Variants in LRRN1 observed in about 807,000 individuals in gnomAD.
LRRN1 encodes leucine-rich repeat neuronal protein 1.
A neutral mutation model predicts 45.8 loss-of-function variants in LRRN1; 14 were observed. That is an observed-to-expected ratio of 0.31 (90% CI 0.20 to 0.48). The LOEUF (loss-of-function observed/expected upper bound fraction) is 0.48. LRRN1 is among the 20% of genes least tolerant of loss of function. The pLI is 0.99. For synonymous variants in LRRN1, 359 were observed against 330.1 expected (o/e 1.09, Z -0.95); for missense variants, 789 against 874.2 (o/e 0.90, Z 1.23).
intron 1 of LRRN1, among the ~76,000 whole-genome samples, chr3:3,809,866 G>C (rs765056617): frequency 2.6e-5 from 4 of 152,188 alleles, no homozygotes; most frequent in African/African-American, 9.6e-5. Flanking sequence ...ATGAGTAGAA[G>C]TGGTATTTGT....
At chr3:3,806,599 A>T (rs1692764060) in intron 1 of LRRN1, among the ~76,000 whole-genome samples, 1 of 152,200 alleles carries the variant, frequency 6.6e-6, no homozygotes, top group African/African-American at 2.4e-5. Context: ...GGCTGGAAAC[A>T]GAGAGAAAGT....
intron 1 of LRRN1, among the ~76,000 whole-genome samples, chr3:3,809,046 T>C (rs1032031002): frequency 1.3e-5 from 2 of 152,244 alleles, no homozygotes; most frequent in Admixed American, 6.5e-5. Context: ...CATCTTTTGT[T>C]ACACAGGGAA....
chr3:3,805,952 A>G (rs193098001), intron 1 of LRRN1, among the ~76,000 whole-genome samples: 5 of 152,298 alleles, frequency 3.3e-5, no homozygotes, highest in African/African-American at 1.2e-4. Flanking sequence ...CAACCTATGC[A>G]TTCTCCTACA....
chr3:3,829,883 C>T (rs1382148589), intron 1 of LRRN1, among the ~76,000 whole-genome samples: 1 of 152,200 alleles, frequency 6.6e-6, no homozygotes, highest in African/African-American at 2.4e-5. Flanking sequence ...CTGCCCTTTT[C>T]ATGATGGAAG....
At position 3,846,732 on chromosome 3, in the gene LRRN1, T is replaced by C. The variant is rs368439353; in HGVS notation, c.2091T>C (p.Asp697=). Residue 697 remains aspartate, a synonymous_variant, in exon 2 of 2, where the codon GAT becomes GAC. Coordinates refer to ENST00000319331, the MANE Select transcript of LRRN1 (RefSeq NM_020873.7). This position sits in a 1 kb window ranked among gnomAD's most constrained non-coding sequence, Gnocchi z 5.7. Reference sequence around the variant, plus strand: ...AAGGTGACAGCGAGAAAGACAAAGATGGTTCTGCAGACACCAAGCCAACCC... The same window carrying C: ...AAGGTGACAGCGAGAAAGACAAAGACGGTTCTGCAGACACCAAGCCAACCC... ...LWEGDSEKDK[D]GSADTKPTQV... The C allele has an allele frequency of 8.1e-6, 13 of 1,613,888 alleles. No individual in the cohort carries two copies. In the Admixed American group the frequency reaches 1.0e-4, roughly 12 times the overall value.
chr3:3,839,267 T>C (rs1693593482), intron 1 of LRRN1, among the ~76,000 whole-genome samples: 1 of 152,162 alleles, frequency 6.6e-6, no homozygotes, highest in African/African-American at 2.4e-5. Context: ...CTGTCCTTTA[T>C]TGTATAGTCT....
intron 1 of LRRN1, among the ~76,000 whole-genome samples, chr3:3,829,495 A>C (rs1693317956): frequency 6.6e-6 from 1 of 152,194 alleles, no homozygotes; most frequent in African/African-American, 2.4e-5. Flanking sequence ...GCTATGGGAC[A>C]AACATTACCA....
chr3:3,800,291 G>A (rs1291334544), intron 1 of LRRN1, among the ~76,000 whole-genome samples: 1 of 152,074 alleles, frequency 6.6e-6, no homozygotes, highest in East Asian at 1.9e-4. Flanking sequence ...AGGGAGGAGG[G>A]CTGCCGGGAT....
At chr3:3,806,990 C>T (rs1183125335) in intron 1 of LRRN1, among the ~76,000 whole-genome samples, 1 of 152,188 alleles carries the variant, frequency 6.6e-6, no homozygotes, top group African/African-American at 2.4e-5. Flanking sequence ...TAGTGTCTTC[C>T]ACTCAGATGG....
At position 3,848,194 on chromosome 3, in the gene LRRN1, C is replaced by T. The variant is rs752480313; in HGVS notation, c.*1402C>T. Among the ~76,000 whole-genome samples, 1 of 152,124 alleles carries T rather than the reference C, an allele frequency of 6.6e-6. No homozygotes were observed. The highest frequency in any genetic ancestry group is 6.5e-5 in the Admixed American group (1 of 15,274). On this transcript the variant is annotated 3_prime_UTR_variant, in exon 2 of 2. Transcript: ENST00000319331. The stretch of plus-strand genomic sequence containing the variant: ...ATCTGTGTGGCAATATCTGCTGAGA[C>T]AAGTAAATGATTAATAGAAAACAAA...
At position 3,816,551 on chromosome 3, in the gene LRRN1, C is replaced by T. The variant is rs772378086; in HGVS notation, c.-279+16632C>T. 2.6e-5 allele frequency among the ~76,000 whole-genome samples: 4 copies of T among 152,014 alleles called. No homozygotes were observed. The highest frequency in any genetic ancestry group is 4.8e-5 in the African/African-American group (2 of 41,388). On this transcript the variant is annotated intron_variant, in intron 1 of 1. Transcript: ENST00000319331. The surrounding 1 kb of genome is among the most constrained non-coding windows in gnomAD (Gnocchi z 4.0). ...CTTTCAATTAAGAAAAAAAAATATT[C>T]CAATATGAGTTCATTATTAGGGCCT...
At chr3:3,806,857 T>A (rs1388232905) in intron 1 of LRRN1, among the ~76,000 whole-genome samples, 1 of 152,188 alleles carries the variant, frequency 6.6e-6, no homozygotes, top group Non-Finnish European at 1.5e-5. Flanking sequence ...ATGAAGTTTA[T>A]CTGTAAAAGG....
intron 1 of LRRN1, among the ~76,000 whole-genome samples, chr3:3,813,682 A>G (rs1246798379): frequency 2.6e-5 from 4 of 152,162 alleles, no homozygotes; most frequent in Admixed American, 1.3e-4. Context: ...TGCCTGCTGG[A>G]TATTTTCACC....
intron 1 of LRRN1, among the ~76,000 whole-genome samples, chr3:3,837,470 T>TA (rs995903502): frequency 3.3e-5 from 5 of 152,230 alleles, no homozygotes; most frequent in African/African-American, 1.2e-4. Flanking sequence ...GCCACCCTCT[T>TA]AAAAAATGAC....
chr3:3,822,214 T>C (rs893352733), intron 1 of LRRN1, among the ~76,000 whole-genome samples: 2 of 152,220 alleles, frequency 1.3e-5, no homozygotes, highest in Non-Finnish European at 2.9e-5. Context: ...TGAAATAATT[T>C]ATGTAAATGA....
At chr3:3,801,769 T>C (rs1257627197) in intron 1 of LRRN1, among the ~76,000 whole-genome samples, 3 of 152,252 alleles carry the variant, frequency 2.0e-5, no homozygotes, top group Non-Finnish European at 4.4e-5. Flanking sequence ...GCTTGCTCTT[T>C]ACCTGGCTGT....
chr3:3,818,189 G>A (rs1372860476), intron 1 of LRRN1, among the ~76,000 whole-genome samples: 2 of 152,318 alleles, frequency 1.3e-5, no homozygotes, highest in East Asian at 1.9e-4. Flanking sequence ...ATGCAACTGG[G>A]CCTTCCAGGC....
rs746522001 is a variant in LRRN1, at chr3:3,849,377, C to T, written c.*2585C>T. On this transcript the variant is annotated 3_prime_UTR_variant, in exon 2 of 2. Coordinates refer to ENST00000319331, the MANE Select transcript of LRRN1 (RefSeq NM_020873.7). ...AGTAAAGTACTGGAACTTACTTTTCCCTGTCTGTGCTAATGAGCTGATTTT... is the reference window on the plus strand; with the variant it reads ...AGTAAAGTACTGGAACTTACTTTTCTCTGTCTGTGCTAATGAGCTGATTTT... Among the ~76,000 whole-genome samples, 229 of 152,224 alleles carry T rather than the reference C, an allele frequency of 1.5e-3. 2 individuals carry two copies. The highest frequency in any genetic ancestry group is 2.7e-3 in the Non-Finnish European group (187 of 68,006).
chr3:3,804,860 CTATT>C (rs773493235), intron 1 of LRRN1, among the ~76,000 whole-genome samples: 220 of 152,250 alleles, frequency 1.4e-3, no homozygotes, highest in Non-Finnish European at 2.2e-3. Flanking sequence ...TAAAGGAAAA[CTATT>C]TAAAGTTTGG....
Sources: allele counts gnomAD v4.1 joint callset (sites outside exome capture counted in the v4.1 genomes callset), GRCh38; gene constraint gnomAD v4.1.1; non-coding constraint Gnocchi (gnomAD v3.1); transcripts MANE v1.5; gene names NCBI Gene and HGNC (gene_info 2026-07-23, HGNC 2026-07-21).